OPHN1: variants seen among roughly 807,000 people sequenced by gnomAD.
OPHN1 encodes the protein oligophrenin 1, also known as oligophrenin-1.
OPHN1 carries 11 observed loss-of-function variants against 60.7 expected under a neutral mutation model. That is an observed-to-expected ratio of 0.18 (90% CI 0.11 to 0.30). The LOEUF is 0.30. Among genes scored for constraint, OPHN1 ranks in the 10% least tolerant of loss-of-function variants. OPHN1 has a pLI of 1.00. For synonymous variants in OPHN1, 226 were observed against 222.6 expected (o/e 1.02, Z -0.14); for missense variants, 449 against 611.0 (o/e 0.73, Z 2.80).
chrX:68,267,964 C>T (rs2147581262), intron 5 of OPHN1, among the ~76,000 whole-genome samples: 1 of 111,781 alleles, frequency 8.9e-6, no homozygotes, highest in African/African-American at 3.2e-5. Flanking sequence ...GACACATATA[C>T]CCTCCCAAGA....
chrX:68,060,283 G>T (rs1220251873), intron 21 of OPHN1, among the ~76,000 whole-genome samples: 1 of 111,256 alleles, frequency 9.0e-6, no homozygotes, highest in African/African-American at 3.3e-5. Context: ...AAGAAATATG[G>T]TATAAAGAAA....
At chrX:68,133,130 T>G in intron 15 of OPHN1, 1 of 614,546 alleles carries the variant, frequency 1.6e-6, no homozygotes, top group Non-Finnish European at 2.8e-6. Context: ...TTATCAGAGG[T>G]GGAGACATTT....
chrX:68,385,561 A>C (rs754313350), intron 2 of OPHN1, among the ~76,000 whole-genome samples: 1 of 112,486 alleles, frequency 8.9e-6, no homozygotes, highest in South Asian at 3.7e-4. Flanking sequence ...TTTGGTAAAC[A>C]GAGAATGAAA....
At position 68,053,164 on chromosome X, in the gene OPHN1, C is replaced by G. The variant is rs1174145769; in HGVS notation, c.2324+481G>C. 9.9e-5 allele frequency among the ~76,000 whole-genome samples: 11 copies of G among 111,490 alleles called. No homozygotes were observed. In the Admixed American group the frequency reaches 1.1e-3, roughly 11 times the overall value. On this transcript the variant is annotated intron_variant, in intron 22 of 24. Transcript: ENST00000355520. ...AGCCTCAGGAAGGTCTGTTGCACATCAGCTCAGCTCCCACCCTGTAAGAGA... is the reference window on the plus strand; with the variant it reads ...AGCCTCAGGAAGGTCTGTTGCACATGAGCTCAGCTCCCACCCTGTAAGAGA...
chrX:68,155,318 C>G (rs1344152881), intron 15 of OPHN1, among the ~76,000 whole-genome samples: 1 of 111,551 alleles, frequency 9.0e-6, no homozygotes, highest in Non-Finnish European at 1.9e-5. Context: ...CTCAAGCTAC[C>G]TGATATGATT....
At position 68,253,906 on chromosome X, in the gene OPHN1, C is replaced by T. The variant is rs745530908; in HGVS notation, c.385-19318G>A. On this transcript the variant is annotated intron_variant, in intron 5 of 24. Transcript: ENST00000355520. Reference sequence around the variant, plus strand: ...ATTCACACAGCATTCTTGCCTTTGCCGGGCAGGTCAACTTCAATTGTCCTA... The same window carrying T: ...ATTCACACAGCATTCTTGCCTTTGCTGGGCAGGTCAACTTCAATTGTCCTA... Among the ~76,000 whole-genome samples, 5 of 111,915 alleles carry T rather than the reference C, an allele frequency of 4.5e-5. No homozygotes were observed. The South Asian group carries it at 1.1e-3, about 25-fold the overall frequency.
chrX:68,405,983 A>C (rs1235430808), intron 2 of OPHN1, among the ~76,000 whole-genome samples: 1 of 108,903 alleles, frequency 9.2e-6, no homozygotes, highest in African/African-American at 3.4e-5. Flanking sequence ...CATCTCTACT[A>C]AAATACAAAA....
At chrX:68,329,161 A>G (rs1457276478) in intron 2 of OPHN1, among the ~76,000 whole-genome samples, 1 of 111,750 alleles carries the variant, frequency 8.9e-6, no homozygotes, top group Non-Finnish European at 1.9e-5. Context: ...CAAGTGATCC[A>G]CCCACCTCAG....
chrX:68,225,989 T>A lies in OPHN1; in HGVS notation c.486+8498A>T, dbSNP rs1037601176. Among the ~76,000 whole-genome samples the A allele has an allele frequency of 9.0e-5, 10 of 111,560 alleles. No homozygotes were observed. The South Asian group carries it at 3.8e-3, about 42-fold the overall frequency. Reference sequence around the variant, plus strand: ...AGAAGCTAAAAACCTTGAAAAAAGATAAGACGAATGGCTAACTAGAATAAA... The same window carrying A: ...AGAAGCTAAAAACCTTGAAAAAAGAAAAGACGAATGGCTAACTAGAATAAA... On this transcript the variant is annotated intron_variant, in intron 6 of 24. Coordinates refer to ENST00000355520, the MANE Select transcript of OPHN1 (RefSeq NM_002547.3).
At chrX:68,231,892 C>A (rs750980311) in intron 6 of OPHN1, among the ~76,000 whole-genome samples, 1 of 111,226 alleles carries the variant, frequency 9.0e-6, no homozygotes, top group East Asian at 2.8e-4. Flanking sequence ...TTTTCAAAAC[C>A]CATAGAATGT....
intron 20 of OPHN1, chrX:68,070,744 C>G: frequency 1.8e-6 from 2 of 1,127,268 alleles, no homozygotes; most frequent in East Asian, 6.0e-5. Context: ...GCTTCCCATT[C>G]AAATACCCCC....
At chrX:68,073,461 C>A (rs2076942565) in intron 19 of OPHN1, 162 bp from the exon 20 acceptor site, 1 of 456,112 alleles carries the variant, frequency 2.2e-6, no homozygotes, top group Admixed American at 4.1e-5. Flanking sequence ...ACTCTAGCTA[C>A]AGGTAAATGT....
chrX:68,143,185 G>A (rs553183643), intron 15 of OPHN1, among the ~76,000 whole-genome samples: 162 of 111,581 alleles, frequency 1.5e-3, no homozygotes, highest in Non-Finnish European at 1.9e-3. Flanking sequence ...ACTGCAGGGA[G>A]AAACTACCCA....
At chrX:68,296,947 T>C (rs1245054177) in intron 3 of OPHN1, among the ~76,000 whole-genome samples, 2 of 111,298 alleles carry the variant, frequency 1.8e-5, no homozygotes, top group Non-Finnish European at 3.8e-5. Context: ...CCCTTTTTCC[T>C]GCATAGCACT....
intron 15 of OPHN1, among the ~76,000 whole-genome samples, chrX:68,170,226 A>T (rs2077382922): frequency 9.4e-6 from 1 of 105,869 alleles, no homozygotes; most frequent in Non-Finnish European, 1.9e-5. Flanking sequence ...TCAAAACCAC[A>T]ATGAGATACC....
intron 2 of OPHN1, among the ~76,000 whole-genome samples, chrX:68,430,699 C>T (rs2078881765): frequency 9.0e-6 from 1 of 110,629 alleles, no homozygotes; most frequent in Non-Finnish European, 1.9e-5. Flanking sequence ...TGGCACATGC[C>T]TATAGTCCTA....
At chrX:68,387,925 C>G (rs2078632880) in intron 2 of OPHN1, among the ~76,000 whole-genome samples, 1 of 110,529 alleles carries the variant, frequency 9.0e-6, no homozygotes, top group African/African-American at 3.3e-5. Flanking sequence ...TGAGCTGGAG[C>G]TTGAAGAATG....
At chrX:68,376,053 A>G (rs766450450) in intron 2 of OPHN1, among the ~76,000 whole-genome samples, 1 of 112,063 alleles carries the variant, frequency 8.9e-6, no homozygotes, top group South Asian at 3.7e-4. Flanking sequence ...TTCATAAAAG[A>G]TGTATAAATA....
intron 18 of OPHN1, among the ~76,000 whole-genome samples, chrX:68,108,231 A>G (rs2077089648): frequency 8.9e-6 from 1 of 112,038 alleles, no homozygotes; most frequent in African/African-American, 3.2e-5. Context: ...GCTTGGTGGT[A>G]CTATTTATCC....
Sources: gnomAD v4.1 joint callset for allele counts (sites outside exome capture counted in the v4.1 genomes callset) on GRCh38, gnomAD v4.1.1 for gene constraint, MANE v1.5 for transcripts, NCBI Gene and HGNC (gene_info 2026-07-23, HGNC 2026-07-21) for gene names.